PXT1: variants seen among roughly 807,000 people sequenced by gnomAD.
PXT1 encodes peroxisomal testis-specific protein 1.
Under a neutral mutation model 11.0 loss-of-function variants are expected in PXT1, and 11 were observed. The ratio of observed to expected loss-of-function variants is 1.00; its 90% CI spans 0.63 to 1.66. The LOEUF (loss-of-function observed/expected upper bound fraction) is 1.66. Ranked by LOEUF, PXT1 falls within the 40% of genes most tolerant of loss-of-function variation. The pLI is 0.00. For missense variants in PXT1, 141 were observed against 155.5 expected (o/e 0.91, Z 0.49); for synonymous variants, 43 against 51.4 (o/e 0.84, Z 0.70).
At chr6:36,442,286 C>T (rs1774884694) in intron 1 of PXT1, among the ~76,000 whole-genome samples, 1 of 152,152 alleles carries the variant, frequency 6.6e-6, no homozygotes, top group Non-Finnish European at 1.5e-5. Context: ...GCCTCGGCCT[C>T]CCAAAGTGCA....
At chr6:36,421,884 T>C (rs1393129886) in intron 3 of PXT1, among the ~76,000 whole-genome samples, 2 of 152,222 alleles carry the variant, frequency 1.3e-5, no homozygotes, top group Non-Finnish European at 2.9e-5. Flanking sequence ...AATTGTATCT[T>C]TATCTGACCA....
chr6:36,416,987 T>C (rs1382366295), intron 3 of PXT1, among the ~76,000 whole-genome samples: 1 of 152,204 alleles, frequency 6.6e-6, no homozygotes, highest in Non-Finnish European at 1.5e-5. Flanking sequence ...TTGCTGAACA[T>C]GGATCAAATA....
At chr6:36,439,125 A>G (rs1198387047) in intron 1 of PXT1, among the ~76,000 whole-genome samples, 3 of 151,620 alleles carry the variant, frequency 2.0e-5, no homozygotes, top group South Asian at 4.2e-4. Flanking sequence ...CAGCCTCTCA[A>G]GTAGCTGGGA....
intron 2 of PXT1, among the ~76,000 whole-genome samples, chr6:36,432,358 G>A (rs761245771): frequency 7.9e-5 from 12 of 152,126 alleles, no homozygotes; most frequent in African/African-American, 2.2e-4. Flanking sequence ...CAAAATAGCT[G>A]AGATCTTCCC....
chr6:36,409,890 G>GAGA, intron 3 of PXT1, among the ~76,000 whole-genome samples: 1 of 141,882 alleles, frequency 7.0e-6, no homozygotes, highest in South Asian at 2.2e-4. Context: ...AGGAAGGAAG[G>GAGA]AAGGAAAGAA....
Position 36,400,475 on chromosome 6 carries a change from A to G in PXT1, c.279T>C (p.Ile93=). Residue 93 remains isoleucine (I), a synonymous_variant, in exon 4 of 5, where the codon ATT becomes ATC. Transcript: ENST00000454782. ...AMQLRHIGDN[I]DHRMVREDLQ... is the part of the protein sequence containing the mutation. ...TCACCTCTCGAACCATCCTATGATCAATGTTGTCCCCAATGTGTCTCAGCT... is the reference window on the plus strand; with the variant it reads ...TCACCTCTCGAACCATCCTATGATCGATGTTGTCCCCAATGTGTCTCAGCT... 2.5e-6 allele frequency: 4 copies of G among 1,613,932 alleles called. No homozygotes were observed. The highest frequency in any genetic ancestry group is 3.4e-6 in the Non-Finnish European group (4 of 1,179,846).
At chr6:36,442,236 C>A (rs574761615) in intron 1 of PXT1, among the ~76,000 whole-genome samples, 1 of 152,152 alleles carries the variant, frequency 6.6e-6, no homozygotes, top group East Asian at 1.9e-4. Flanking sequence ...ATCATGTTGG[C>A]CAGGCTGGTC....
intron 3 of PXT1, among the ~76,000 whole-genome samples, chr6:36,406,802 C>T (rs1774298115): frequency 1.0e-5 from 1 of 95,634 alleles, no homozygotes; most frequent in South Asian, 3.3e-4. Flanking sequence ...CAGAGTGAGA[C>T]TCCATTTCAA....
intron 4 of PXT1, among the ~76,000 whole-genome samples, chr6:36,400,104 T>C (rs1450046470): frequency 6.6e-6 from 1 of 152,252 alleles, no homozygotes; most frequent in Non-Finnish European, 1.5e-5. Context: ...AAACAGTTTG[T>C]TACACTTCAA....
intron 3 of PXT1, among the ~76,000 whole-genome samples, chr6:36,413,289 C>T (rs1249624056): frequency 1.3e-5 from 2 of 151,886 alleles, no homozygotes; most frequent in African/African-American, 4.8e-5. Context: ...TGGTGGTGGA[C>T]GCCTGTAGTC....
intron 3 of PXT1, 118 bp downstream of exon 3, chr6:36,425,796 A>AAAACAAACAAAC (rs1554154106): frequency 8.9e-5 from 26 of 292,462 alleles, no homozygotes; most frequent in African/African-American, 7.8e-4. Context: ...TCAAAAAACA[A>AAAACAAACAAAC]AAACAAAAAA....
At chr6:36,429,870 G>C (rs1165579885) in intron 2 of PXT1, among the ~76,000 whole-genome samples, 1 of 151,488 alleles carries the variant, frequency 6.6e-6, no homozygotes, top group Admixed American at 6.6e-5. Context: ...ATTTCTTTGT[G>C]GGTTGTTCTG....
At chr6:36,399,585 G>T (rs1300738341) in intron 4 of PXT1, among the ~76,000 whole-genome samples, 1 of 152,206 alleles carries the variant, frequency 6.6e-6, no homozygotes, top group Non-Finnish European at 1.5e-5. Flanking sequence ...CCTGTGGCAT[G>T]CATGGTGGAG....
intron 2 of PXT1, among the ~76,000 whole-genome samples, chr6:36,433,634 A>T (rs1468574369): frequency 6.6e-6 from 1 of 151,858 alleles, no homozygotes; most frequent in Non-Finnish European, 1.5e-5. Context: ...CCTGGCTAAC[A>T]TGATGAAACC....
chr6:36,425,512 C>T (rs535856648), intron 3 of PXT1, among the ~76,000 whole-genome samples: 14 of 151,962 alleles, frequency 9.2e-5, no homozygotes, highest in East Asian at 1.9e-4. Flanking sequence ...GGGTTGGGCA[C>T]GGTGGCTCAC....
chr6:36,426,046 T>G lies in PXT1; in HGVS notation c.37A>C (p.Lys13Gln), dbSNP rs1035462747. 16 of 1,521,888 alleles carry G rather than the reference T, an allele frequency of 1.1e-5. No homozygotes were observed. In the African/African-American group the frequency reaches 2.2e-4, roughly 21 times the overall value. 94.3% of individuals were successfully genotyped at this position (1,521,888 alleles called of 1,614,324 possible). A position where few individuals can be genotyped will look rare whatever the true frequency, so the allele number is the denominator to read the frequency against. ...TTGGGAGATGGATTGAGAACTTCTTTAGTTTCATAAACAATGCCATCATGT... is the reference window on the plus strand; with the variant it reads ...TTGGGAGATGGATTGAGAACTTCTTGAGTTTCATAAACAATGCCATCATGT... ...KKHDGIVYETKEVLNPSPKVT... is the reference protein window; with the variant it reads ...KKHDGIVYETQEVLNPSPKVT... Residue 13 changes from lysine to glutamine, a missense_variant, in exon 3 of 5, where the codon AAA becomes CAA. By Grantham distance (53) the Lys-to-Gln change is moderately conservative. Transcript: ENST00000454782.
intron 3 of PXT1, among the ~76,000 whole-genome samples, chr6:36,401,149 A>G (rs1774207842): frequency 6.6e-6 from 1 of 151,864 alleles, no homozygotes; most frequent in Non-Finnish European, 1.5e-5. Context: ...ACCTAAATCA[A>G]TATATCCAAA....
chr6:36,416,701 T>A (rs986816361), intron 3 of PXT1, among the ~76,000 whole-genome samples: 9 of 152,338 alleles, frequency 5.9e-5, no homozygotes, highest in Middle Eastern at 3.4e-3. Context: ...AAATCCTGTA[T>A]TATATAAATG....
At chr6:36,397,333 T>C (rs550238702) in intron 4 of PXT1, among the ~76,000 whole-genome samples, 6 of 152,132 alleles carry the variant, frequency 3.9e-5, no homozygotes, top group South Asian at 4.2e-4. Context: ...CCCAGCTACT[T>C]AGGAGGTTGA....
Sources: allele counts gnomAD v4.1 joint callset (sites outside exome capture counted in the v4.1 genomes callset), GRCh38; gene constraint gnomAD v4.1.1; transcripts MANE v1.5; gene names NCBI Gene and HGNC (gene_info 2026-07-23, HGNC 2026-07-21).